Variants in CATSPERT observed in about 807,000 individuals in gnomAD.
The protein encoded by CATSPERT is cation channel sperm-associated targeting subunit tau.
chr2:201,597,114 TC>T, the CATSPERT span, among the ~76,000 whole-genome samples: 1 of 152,224 alleles, frequency 6.6e-6, no homozygotes, highest in Non-Finnish European at 1.5e-5. Flanking sequence ...ATTATGTTCG[TC>T]CTATAGAGGC....
the CATSPERT span, among the ~76,000 whole-genome samples, chr2:201,500,855 T>C: frequency 1.3e-5 from 2 of 152,224 alleles, no homozygotes; most frequent in Non-Finnish European, 2.9e-5. Flanking sequence ...CTTCTACACA[T>C]ACTGAAATTT....
chr2:201,489,141 T>G, the CATSPERT span, among the ~76,000 whole-genome samples: 2 of 152,210 alleles, frequency 1.3e-5, no homozygotes, highest in African/African-American at 4.8e-5. Context: ...AAAAATGCCC[T>G]CTTACCACAC....
the CATSPERT span, among the ~76,000 whole-genome samples, chr2:201,605,876 AGTGTTGATC>A: frequency 6.6e-6 from 1 of 152,354 alleles, no homozygotes; most frequent in South Asian, 2.1e-4. Flanking sequence ...AAATGAAATG[AGTGTTGATC>A]AATTCAGAAA....
At chr2:201,493,966 T>C in the CATSPERT span, 1 of 1,537,058 alleles carries the variant, frequency 6.5e-7, no homozygotes, top group Admixed American at 2.0e-5. Context: ...CTGACCCCCT[T>C]CTGAAAGTGA....
the CATSPERT span, among the ~76,000 whole-genome samples, chr2:201,596,549 G>A: frequency 6.6e-6 from 1 of 152,202 alleles, no homozygotes; most frequent in African/African-American, 2.4e-5. Flanking sequence ...TACCAAGCCT[G>A]CACATGTACC....
chr2:201,540,468 C>T, the CATSPERT span, among the ~76,000 whole-genome samples: 2 of 152,180 alleles, frequency 1.3e-5, no homozygotes, highest in Non-Finnish European at 2.9e-5. Context: ...AGCCAATGCT[C>T]ATTTACCATT....
the CATSPERT span, among the ~76,000 whole-genome samples, chr2:201,616,574 A>G: frequency 1.1e-4 from 17 of 152,310 alleles, no homozygotes; most frequent in Non-Finnish European, 2.2e-4. Flanking sequence ...AATAAGAGCT[A>G]TTTATGACAA....
the CATSPERT span, among the ~76,000 whole-genome samples, chr2:201,501,658 T>TAATC: frequency 6.6e-6 from 1 of 151,924 alleles, no homozygotes; most frequent in Non-Finnish European, 1.5e-5. Context: ...ATAGCTAAAT[T>TAATC]GATTAAGAAA....
the CATSPERT span, among the ~76,000 whole-genome samples, chr2:201,515,202 G>GTTTTTTTTTTTTTTTTTTTTTTTTTTTTT: frequency 1.6e-4 from 4 of 24,656 alleles, 1 homozygote; most frequent in Admixed American, 5.0e-4. Flanking sequence ...TCTGCCCATA[G>GTTTTTTTTTTTTTTTTTTTTTTTTTTTTT]TTTTTTTTTT....
the CATSPERT span, chr2:201,550,079 A>G: frequency 2.6e-5 from 4 of 152,194 alleles, no homozygotes; most frequent in Admixed American, 2.6e-4. Flanking sequence ...GTCAATTTTC[A>G]TATTAATCTC....
the CATSPERT span, chr2:201,554,149 A>G: frequency 6.6e-6 from 1 of 152,228 alleles, no homozygotes; most frequent in Non-Finnish European, 1.5e-5. Context: ...CCCTAACAGG[A>G]CTACTAGTAT....
the CATSPERT span, among the ~76,000 whole-genome samples, chr2:201,581,216 G>A: frequency 6.6e-6 from 1 of 151,144 alleles, no homozygotes; most frequent in Non-Finnish European, 1.5e-5. Context: ...GACCAGCCTG[G>A]GCAACACAGC....
chr2:201,608,264 T>A, the CATSPERT span, among the ~76,000 whole-genome samples: 3 of 152,214 alleles, frequency 2.0e-5, no homozygotes, highest in East Asian at 5.8e-4. Flanking sequence ...CCTCTCACCT[T>A]GGCCTCTCAA....
the CATSPERT span, among the ~76,000 whole-genome samples, chr2:201,546,423 T>C: frequency 6.6e-6 from 1 of 152,098 alleles, no homozygotes; most frequent in Non-Finnish European, 1.5e-5. Context: ...TACAAAGAAC[T>C]CTTACAACTT....
At chr2:201,606,832 G>A in the CATSPERT span, among the ~76,000 whole-genome samples, 1 of 151,484 alleles carries the variant, frequency 6.6e-6, no homozygotes, top group East Asian at 1.9e-4. Context: ...CCGGAAGGTG[G>A]AGATTGCAGT....
chr2:201,494,123 CTT>C, the CATSPERT span: 1 of 1,533,680 alleles, frequency 6.5e-7, no homozygotes, highest in Non-Finnish European at 8.7e-7. Flanking sequence ...TTTAAAATGT[CTT>C]TTTCTGAAAG....
At chr2:201,501,922 A>G in the CATSPERT span, among the ~76,000 whole-genome samples, 1 of 152,224 alleles carries the variant, frequency 6.6e-6, no homozygotes, top group Non-Finnish European at 1.5e-5. Context: ...GTGGATTTTT[A>G]GTCCCCAGAT....
At chr2:201,526,188 C>A in the CATSPERT span, among the ~76,000 whole-genome samples, 1 of 152,122 alleles carries the variant, frequency 6.6e-6, no homozygotes, top group African/African-American at 2.4e-5. Flanking sequence ...AGGTCAATAT[C>A]CCTGATGAAC....
At chr2:201,558,906 G>T in the CATSPERT span, among the ~76,000 whole-genome samples, 6 of 152,110 alleles carry the variant, frequency 3.9e-5, no homozygotes, top group African/African-American at 1.4e-4. Flanking sequence ...ACAGAGCCTG[G>T]GTCTAGTACT....
Sources: gnomAD v4.1 joint callset for allele counts (sites outside exome capture counted in the v4.1 genomes callset) on GRCh38, gnomAD v4.1.1 for gene constraint, MANE v1.5 for transcripts, NCBI Gene and HGNC (gene_info 2026-07-23, HGNC 2026-07-21) for gene names.